The following RABGAP1 variants were observed in gnomAD, a reference collection of about 807,000 sequenced individuals.
The protein encoded by RABGAP1 is RAB GTPase activating protein 1.
In RABGAP1, 23 loss-of-function variants were observed where a neutral mutation model predicts 137.6. The observed-to-expected ratio is 0.17, with a 90% CI of 0.12 to 0.24. RABGAP1 has a LOEUF of 0.24. Among genes scored for constraint, RABGAP1 ranks in the 10% least tolerant of loss-of-function variants. The pLI, the probability that RABGAP1 is intolerant of heterozygous loss-of-function variation, is 1.00. For missense variants in RABGAP1, 906 were observed against 1,275.8 expected (o/e 0.71, Z 4.42); for synonymous variants, 451 against 450.7 (o/e 1.00, Z -0.01).
At chr9:122,948,983 G>T (rs574438924) in intron 1 of RABGAP1, among the ~76,000 whole-genome samples, 1 of 152,180 alleles carries the variant, frequency 6.6e-6, no homozygotes, top group Non-Finnish European at 1.5e-5. Flanking sequence ...GTAGTTTGGG[G>T]GACTCTTTGT....
chr9:122,996,011 G>T (rs1258056023), intron 6 of RABGAP1, 30 bp from the exon 7 acceptor site: 1 of 1,550,640 alleles, frequency 6.4e-7, no homozygotes, highest in Non-Finnish European at 8.7e-7. Context: ...AAAATGCTTT[G>T]CAAAATTAAT....
intron 1 of RABGAP1, among the ~76,000 whole-genome samples, chr9:122,950,380 T>TTC (rs1554782682): frequency 7.2e-6 from 1 of 138,024 alleles, no homozygotes; most frequent in African/African-American, 2.8e-5. Flanking sequence ...TTTCTTTCTT[T>TTC]TTTTTTTTTT....
At position 123,097,817 on chromosome 9, in the gene RABGAP1, A is replaced by G; in HGVS notation, c.2705A>G (p.Lys902Arg). 1 of 1,613,818 alleles carries G rather than the reference A, an allele frequency of 6.2e-7. No homozygotes were observed. The highest frequency in any genetic ancestry group is 1.3e-5 in the African/African-American group (1 of 75,008). The change falls in exon 22 of 26, where the codon AAA (lysine) becomes AGA (arginine). Residue 902 changes from lysine to arginine, a missense_variant. By Grantham distance (26) the Lys-to-Arg change is conservative. Coordinates refer to ENST00000373647, the MANE Select transcript of RABGAP1 (RefSeq NM_012197.4). ...AAGTTGATTGATGCAGAAGAAGAGA[A>G]AAGACGGCTGGAAGAAGAGTCTGCT... is the stretch of plus-strand genomic sequence containing the variant. The part of the protein sequence containing the change: ...KQKLIDAEEE[K>R]RRLEEESAQL...
At chr9:123,040,203 A>G (rs2032884712) in intron 13 of RABGAP1, among the ~76,000 whole-genome samples, 1 of 152,184 alleles carries the variant, frequency 6.6e-6, no homozygotes, top group Non-Finnish European at 1.5e-5. Flanking sequence ...TTTATCTGGA[A>G]GAATGTACCA....
intron 13 of RABGAP1, among the ~76,000 whole-genome samples, chr9:123,058,509 A>G (rs942051903): frequency 5.3e-5 from 8 of 150,938 alleles, no homozygotes; most frequent in African/African-American, 1.7e-4. Context: ...TAAGAAAACA[A>G]AAAGGTTTTA....
At chr9:123,101,845 G>C in intron 25 of RABGAP1, 82 bp downstream of exon 25, 1 of 1,396,968 alleles carries the variant, frequency 7.2e-7, no homozygotes, top group Non-Finnish European at 9.5e-7. Flanking sequence ...TATCTTTATG[G>C]TTTGGGGTTT....
At chr9:122,965,740 T>C (rs1835110329) in intron 2 of RABGAP1, among the ~76,000 whole-genome samples, 1 of 152,222 alleles carries the variant, frequency 6.6e-6, no homozygotes, top group African/African-American at 2.4e-5. Flanking sequence ...TAGTTGCATG[T>C]ATCTGTGAAT....
At chr9:123,035,029 C>T in intron 13 of RABGAP1, 2 of 1,613,810 alleles carry the variant, frequency 1.2e-6, no homozygotes, top group Admixed American at 1.7e-5. Flanking sequence ...CCTGATTTGG[C>T]TATACTCGAC....
intron 19 of RABGAP1, among the ~76,000 whole-genome samples, chr9:123,081,433 A>G (rs961011241): frequency 6.6e-6 from 1 of 152,052 alleles, no homozygotes; most frequent in African/African-American, 2.4e-5. Context: ...TTTTGTTGTC[A>G]TTGTTGTGAT....
intron 5 of RABGAP1, chr9:122,989,705 G>C (rs1769025885): frequency 1.8e-6 from 1 of 556,960 alleles, no homozygotes; most frequent in Non-Finnish European, 3.2e-6. Flanking sequence ...ACTTTTGATT[G>C]GGTTAAGTAG....
Position 123,074,308 on chromosome 9 carries a change from C to T in RABGAP1, c.2133C>T (p.Asn711=), listed in dbSNP as rs1038257760. The stretch of plus-strand genomic sequence containing the variant: ...AGGAATACATTCCTGACCTGTACAA[C>T]CACTTCCTGGATATAAGCCTTGAAG... ...LMQEYIPDLY[N]HFLDISLEAH... is the part of the protein sequence containing the mutation. Residue 711 remains asparagine, a synonymous_variant, in exon 17 of 26, where the codon AAC becomes AAT. Transcript: ENST00000373647. The T allele has an allele frequency of 1.2e-6, 2 of 1,613,682 alleles. No individual in the cohort carries two copies. Among genetic ancestry groups the T allele is most frequent in the African/African-American group, 1.3e-5 (1 of 74,896 alleles).
intron 19 of RABGAP1, among the ~76,000 whole-genome samples, chr9:123,085,395 C>T (rs1028303301): frequency 2.0e-5 from 3 of 152,150 alleles, no homozygotes; most frequent in African/African-American, 4.8e-5. Flanking sequence ...CTATTTCTAA[C>T]GGTGTTAAGA....
intron 12 of RABGAP1, among the ~76,000 whole-genome samples, chr9:123,017,326 G>A (rs987475636): frequency 1.3e-4 from 20 of 152,084 alleles, no homozygotes; most frequent in Non-Finnish European, 2.9e-5. Context: ...TTGTTATCAA[G>A]CTTTGTTATT....
chr9:123,036,405 T>A (rs561741318), intron 13 of RABGAP1, among the ~76,000 whole-genome samples: 62 of 152,352 alleles, frequency 4.1e-4, no homozygotes, highest in African/African-American at 1.5e-3. Flanking sequence ...ATATCTGAAT[T>A]GTTAGATTTC....
At chr9:123,000,383 C>G (rs1255770899) in intron 10 of RABGAP1, among the ~76,000 whole-genome samples, 1 of 152,148 alleles carries the variant, frequency 6.6e-6, no homozygotes, top group Non-Finnish European at 1.5e-5. Context: ...CTACCACCTA[C>G]TGCTTCCATT....
intron 10 of RABGAP1, among the ~76,000 whole-genome samples, chr9:123,007,789 T>C (rs1279886238): frequency 1.3e-5 from 2 of 150,762 alleles, no homozygotes; most frequent in Non-Finnish European, 3.0e-5. Context: ...ACATGGGATG[T>C]CTTTCCATTT....
intron 25 of RABGAP1, among the ~76,000 whole-genome samples, chr9:123,102,402 G>C (rs531336490): frequency 9.2e-5 from 14 of 152,314 alleles, no homozygotes; most frequent in Non-Finnish European, 1.8e-4. Context: ...CTTTAGGGCT[G>C]ATTCTCCCTC....
At chr9:122,999,351 T>A (rs958666913) in intron 10 of RABGAP1, among the ~76,000 whole-genome samples, 1 of 147,914 alleles carries the variant, frequency 6.8e-6, no homozygotes, top group African/African-American at 2.5e-5. Flanking sequence ...CCCGGCTAAT[T>A]TTTTTTTTTT....
At position 123,015,613 on chromosome 9, in the gene RABGAP1, A is replaced by G. The variant is rs1488266769; in HGVS notation, c.1620A>G (p.Thr540=). 1.9e-6 allele frequency: 3 copies of G among 1,611,080 alleles called. No individual in the cohort carries two copies. The highest frequency in any genetic ancestry group is 2.5e-6 in the Non-Finnish European group (3 of 1,177,540). The change falls in exon 12 of 26, where the codon ACA becomes ACG. Residue 540 remains threonine, a synonymous_variant. Transcript: ENST00000373647. The part of the protein sequence containing the change: ...SKECAEKILE[T]WGELLSKWHL... ...AATGTGCAGAAAAAATTCTTGAAACATGGGGAGAACTGTTGTCAAAATGGT... is the reference window on the plus strand; with the variant it reads ...AATGTGCAGAAAAAATTCTTGAAACGTGGGGAGAACTGTTGTCAAAATGGT...
Sources: allele counts gnomAD v4.1 joint callset (sites outside exome capture counted in the v4.1 genomes callset), GRCh38; gene constraint gnomAD v4.1.1; transcripts MANE v1.5; gene names NCBI Gene and HGNC (gene_info 2026-07-23, HGNC 2026-07-21).